Variants in EVC2 observed in about 807,000 individuals in gnomAD.
The protein encoded by EVC2 is EvC ciliary complex subunit 2.
EVC2 carries 148 observed loss-of-function variants against 149.3 expected under a neutral mutation model. The observed-to-expected ratio is 0.99, with a 90% CI of 0.87 to 1.14. The LOEUF is 1.14. Among genes scored for constraint, EVC2 ranks in the 50% most tolerant of loss-of-function variants. EVC2 has a pLI of 0.00. For synonymous variants in EVC2, 776 were observed against 649.9 expected, an observed-to-expected ratio of 1.19 and a Z score of -2.95; for missense variants, 1,854 against 1,627.3, an observed-to-expected ratio of 1.14 and a Z score of -2.40.
In EVC2 at chr4:5,631,754, A is replaced by C. The variant is rs367583021; in HGVS notation, c.1710+39T>G. Reference sequence around the variant, plus strand: ...GGAGACATTTACTGAAACAATTCAGAAAAATTACTTTTCCATCACAGCGAG... The same window carrying C: ...GGAGACATTTACTGAAACAATTCAGCAAAATTACTTTTCCATCACAGCGAG... On this transcript the variant is annotated intron_variant, in intron 11 of 21. Transcript: ENST00000344408. 59 of 1,611,244 alleles carry C rather than the reference A, an allele frequency of 3.7e-5. No homozygotes were observed. The East Asian group carries it at 1.2e-3, about 33-fold the overall frequency.
Position 5,568,558 on chromosome 4 carries a change from G to A in EVC2, c.3443C>T (p.Pro1148Leu). ...CAGCAGCTGAGGCTGTGAGGCTGTG[G>A]GCAGTACCACACTCAGGAGCCGGCG... is the stretch of plus-strand genomic sequence containing the variant. ...TLRRLLSVVLPTASQPQLLAL... is the reference protein window; with the variant it reads ...TLRRLLSVVLLTASQPQLLAL... Residue 1148 changes from proline (P) to leucine (L), a missense_variant, in exon 20 of 22, where the codon CCC becomes CTC. By Grantham distance (98) the Pro-to-Leu change is moderately conservative (BLOSUM62 -3). Transcript: ENST00000344408. The A allele has an allele frequency of 6.2e-7, 1 of 1,605,506 alleles. No individual in the cohort carries two copies. Among genetic ancestry groups the A allele is most frequent in the Non-Finnish European group, 8.5e-7 (1 of 1,179,168 alleles).
At chr4:5,592,476 A>G (rs1040993157) in intron 16 of EVC2, among the ~76,000 whole-genome samples, 2 of 152,202 alleles carry the variant, frequency 1.3e-5, no homozygotes, top group Admixed American at 6.5e-5. Context: ...GAGCCCCGCC[A>G]AATACCAGGA....
chr4:5,611,262 T>C (rs1008859762), intron 16 of EVC2, among the ~76,000 whole-genome samples: 3 of 152,158 alleles, frequency 2.0e-5, no homozygotes, highest in African/African-American at 4.8e-5. Context: ...ACTAACCTTT[T>C]TGAGCTTAGA....
In EVC2 at chr4:5,657,605, T is replaced by A. The variant is rs1465065416; in HGVS notation, c.1145+5502A>T. On this transcript the variant is annotated intron_variant, in intron 9 of 21. Transcript: ENST00000344408. This position sits in a 1 kb window ranked among gnomAD's most constrained non-coding sequence, Gnocchi z 4.7. ...AGGCGACTTTCCACCAAGAACACCA[T>A]TGTGTAGAGGCACCTACTGTGCCAG... Among the ~76,000 whole-genome samples, 1 of 151,922 alleles carries A rather than the reference T, an allele frequency of 6.6e-6. No individual in the cohort carries two copies. The highest frequency in any genetic ancestry group is 2.1e-4 in the South Asian group (1 of 4,794).
chr4:5,656,795 T>C (rs1320909692), intron 9 of EVC2, among the ~76,000 whole-genome samples: 2 of 152,160 alleles, frequency 1.3e-5, no homozygotes, highest in African/African-American at 4.8e-5. Flanking sequence ...AGTGACACGG[T>C]GAGTTTCTGT....
chr4:5,627,171 C>T (rs1716177821), intron 12 of EVC2, among the ~76,000 whole-genome samples: 1 of 152,060 alleles, frequency 6.6e-6, no homozygotes, highest in Non-Finnish European at 1.5e-5. Flanking sequence ...GGGCTGAGTC[C>T]CCAGCTTGGC....
chr4:5,648,742 C>T (rs1477832579), intron 9 of EVC2, among the ~76,000 whole-genome samples: 1 of 152,160 alleles, frequency 6.6e-6, no homozygotes, highest in Non-Finnish European at 1.5e-5. Context: ...CCCAGAGGCA[C>T]TCTTTATTGT....
chr4:5,649,673 A>C (rs573659951), intron 9 of EVC2, among the ~76,000 whole-genome samples: 2 of 152,346 alleles, frequency 1.3e-5, no homozygotes, highest in African/African-American at 4.8e-5. Context: ...AAGGAAAATG[A>C]AATCACCACA....
In EVC2 at chr4:5,562,906, C is replaced by T. The variant is rs780751172; in HGVS notation, c.3869G>A (p.Arg1290Lys). The T allele has an allele frequency of 1.2e-6, 2 of 1,614,138 alleles. No individual in the cohort carries two copies. The highest frequency in any genetic ancestry group is 2.2e-5 in the South Asian group (2 of 91,080). Residue 1290 changes from arginine (R) to lysine (K), a missense_variant, in exon 22 of 22, where the codon AGG becomes AAG. Coordinates refer to ENST00000344408, the MANE Select transcript of EVC2 (RefSeq NM_147127.5). The surrounding 1 kb of genome is among the most constrained non-coding windows in gnomAD (Gnocchi z 4.3). ...EPEISLHVPPRKKKNFLNAKK... is the reference protein window; with the variant it reads ...EPEISLHVPPKKKKNFLNAKK... ...GGCATTCAAAAAGTTCTTCTTTTTC[C>T]TGGGAGGAACGTGCAGTGAGATCTC...
intron 16 of EVC2, among the ~76,000 whole-genome samples, chr4:5,598,328 G>A (rs902143854): frequency 3.3e-5 from 5 of 151,162 alleles, no homozygotes; most frequent in African/African-American, 1.2e-4. Flanking sequence ...ATACTACAAG[G>A]CTACAGTAAC....
intron 11 of EVC2, among the ~76,000 whole-genome samples, chr4:5,631,152 C>T (rs1716501642): frequency 6.6e-6 from 1 of 152,212 alleles, no homozygotes; most frequent in Non-Finnish European, 1.5e-5. Context: ...TGCAAAAATA[C>T]ACAAATCCAT....
chr4:5,584,920 G>T (rs1016470306), intron 16 of EVC2, 70 bp from the exon 17 acceptor site: 96 of 1,526,538 alleles, frequency 6.3e-5, no homozygotes, highest in Non-Finnish European at 8.1e-5. Flanking sequence ...AGAACAAACA[G>T]CCTTTCAGAG....
intron 9 of EVC2, among the ~76,000 whole-genome samples, chr4:5,661,392 G>T (rs948047140): frequency 1.3e-5 from 2 of 152,140 alleles, no homozygotes; most frequent in South Asian, 4.2e-4. Flanking sequence ...CATCACCCTC[G>T]TCCTCAGATT....
rs1374566107 is a variant in EVC2 at position 5,685,495 on chromosome 4, C to T, written c.707-16G>A. 1 of 1,612,216 alleles carries T rather than the reference C, an allele frequency of 6.2e-7. No individual in the cohort carries two copies. Among genetic ancestry groups the T allele is most frequent in the East Asian group, 2.2e-5 (1 of 44,868 alleles). On this transcript the variant is annotated splice_polypyrimidine_tract_variant and intron_variant, in intron 5 of 21. Coordinates refer to ENST00000344408, the MANE Select transcript of EVC2 (RefSeq NM_147127.5). ...GCATCTCCCACTGCGCAGAGAAAAGCACATGTGACTCAGGGAGGGCTTGGC... is the reference window on the plus strand; with the variant it reads ...GCATCTCCCACTGCGCAGAGAAAAGTACATGTGACTCAGGGAGGGCTTGGC...
intron 1 of EVC2, among the ~76,000 whole-genome samples, chr4:5,698,053 G>A (rs1721597482): frequency 6.6e-6 from 1 of 152,080 alleles, no homozygotes; most frequent in Non-Finnish European, 1.5e-5. Flanking sequence ...GTCCGGCCAA[G>A]GACCTGCACT....
chr4:5,671,957 C>T (rs2151714626), intron 7 of EVC2, among the ~76,000 whole-genome samples: 1 of 152,348 alleles, frequency 6.6e-6, no homozygotes, highest in Non-Finnish European at 1.5e-5. Flanking sequence ...GGATGTGACA[C>T]TACACTTTCC....
chr4:5,628,804 T>C, intron 11 of EVC2, 70 bp from the exon 12 acceptor site: 1 of 1,439,786 alleles, frequency 6.9e-7, no homozygotes, highest in East Asian at 2.4e-5. Flanking sequence ...TCTAGACATT[T>C]AAAATATTAT....
chr4:5,565,999 T>A (rs1197972361), intron 20 of EVC2, among the ~76,000 whole-genome samples: 2 of 152,206 alleles, frequency 1.3e-5, no homozygotes, highest in Non-Finnish European at 2.9e-5. Flanking sequence ...CCCACTGGGA[T>A]GAATGCTCTA....
intron 1 of EVC2, among the ~76,000 whole-genome samples, 160 bp from the exon 2 acceptor site, chr4:5,697,807 G>A (rs1257436143): frequency 3.3e-5 from 5 of 150,782 alleles, no homozygotes; most frequent in South Asian, 2.1e-4. Flanking sequence ...GTGCAGTGGC[G>A]CGATCTCGAC....
Sources: allele counts gnomAD v4.1 joint callset (sites outside exome capture counted in the v4.1 genomes callset), GRCh38; gene constraint gnomAD v4.1.1; non-coding constraint Gnocchi (gnomAD v3.1); transcripts MANE v1.5; gene names NCBI Gene and HGNC (gene_info 2026-07-23, HGNC 2026-07-21).